The following ZNF395 variants were observed in gnomAD, a reference collection of about 807,000 sequenced individuals.
ZNF395 encodes zinc finger protein 395, also known as HD gene regulatory region-binding protein 2.
ZNF395 carries 20 observed loss-of-function variants against 57.7 expected under a neutral mutation model. The ratio of observed to expected loss-of-function variants is 0.35; its 90% CI spans 0.24 to 0.50. The LOEUF is 0.50. ZNF395 is among the 20% of genes least tolerant of loss of function. ZNF395 has a pLI of 0.97. For missense variants in ZNF395, 606 were observed against 671.2 expected (o/e 0.90, Z 1.07); for synonymous variants, 295 against 275.9 (o/e 1.07, Z -0.69).
intron 1 of ZNF395, among the ~76,000 whole-genome samples, chr8:28,382,035 A>G (rs1802115679): frequency 6.6e-6 from 1 of 152,168 alleles, no homozygotes; most frequent in Non-Finnish European, 1.5e-5. Flanking sequence ...AGAGCCCATG[A>G]CAGCAATCCC....
intron 1 of ZNF395, among the ~76,000 whole-genome samples, chr8:28,378,618 A>C (rs971036994): frequency 2.0e-5 from 3 of 152,218 alleles, no homozygotes; most frequent in African/African-American, 4.8e-5. Context: ...ACCTATTTAT[A>C]AACATTTTTA....
rs1226932987 is a variant in ZNF395 at position 28,361,120 on chromosome 8, G to C, written c.5C>G (p.Ala2Gly). 1 of 1,611,862 alleles carries C rather than the reference G, an allele frequency of 6.2e-7. No individual in the cohort carries two copies. The highest frequency in any genetic ancestry group is 8.5e-7 in the Non-Finnish European group (1 of 1,180,014). Residue 2 changes from alanine (A) to glycine (G), a missense_variant, in exon 2 of 10, where the codon GCG becomes GGG. Ala to Gly is a moderately conservative substitution (Grantham distance 60). Around this residue, in one of 3 missense-constraint regions of ZNF395, gnomAD observed 309 missense variants for 374.7 expected, o/e 0.82. Coordinates refer to ENST00000344423, the MANE Select transcript of ZNF395 (RefSeq NM_018660.3). M[A>G]SVLSRRLGKR... ...TCCAAGGCGTCGGGACAGGACACTCGCCATGCTGCTGCCTCTCCTCTCCTG... is the reference window on the plus strand; with the variant it reads ...TCCAAGGCGTCGGGACAGGACACTCCCCATGCTGCTGCCTCTCCTCTCCTG...
intron 1 of ZNF395, among the ~76,000 whole-genome samples, chr8:28,363,108 T>C (rs895660127): frequency 1.3e-5 from 2 of 151,568 alleles, no homozygotes; most frequent in South Asian, 2.1e-4. Context: ...CTAAGCTAAA[T>C]TGGTTGTTTT....
chr8:28,349,257 C>T (rs2129935342), intron 8 of ZNF395, 29 bp from the exon 9 acceptor site: 1 of 1,491,858 alleles, frequency 6.7e-7, no homozygotes, highest in South Asian at 1.4e-5. Context: ...GCTGTGAGCA[C>T]AGGGACATTC....
At chr8:28,348,894 G>A in intron 9 of ZNF395, 64 bp from the exon 10 acceptor site, 1 of 1,538,806 alleles carries the variant, frequency 6.5e-7, no homozygotes, top group South Asian at 1.1e-5. Flanking sequence ...GAGTGGCCAA[G>A]TGGGGCTGGG....
Position 28,351,580 on chromosome 8 carries a change from C to A in ZNF395, c.1148G>T (p.Gly383Val), listed in dbSNP as rs1801683941. 6.2e-7 allele frequency: 1 copy of A among 1,613,628 alleles called. No homozygotes were observed. The highest frequency in any genetic ancestry group is 8.5e-7 in the Non-Finnish European group (1 of 1,180,018). The change falls in exon 7 of 10, where the codon GGC becomes GTC. Residue 383 changes from glycine (G) to valine (V), a missense_variant. Gly to Val is a moderately radical substitution (Grantham distance 109, BLOSUM62 -3). Transcript: ENST00000344423. ...CCCTGAGGGCAGGGAGGACTCCGGG[C>A]CAGGATGTTCTGGGCCGGAGGACTG... ...KAQSSGPEHP[G>V]PESSLPSGAL...
chr8:28,375,904 G>A (rs1035478342), intron 1 of ZNF395, among the ~76,000 whole-genome samples: 2 of 152,184 alleles, frequency 1.3e-5, no homozygotes, highest in East Asian at 3.8e-4. Flanking sequence ...CTGACTGAAT[G>A]CGGGTGTTTT....
intron 1 of ZNF395, among the ~76,000 whole-genome samples, chr8:28,373,933 T>C (rs1802007321): frequency 6.6e-6 from 1 of 152,208 alleles, no homozygotes; most frequent in Non-Finnish European, 1.5e-5. Context: ...TGTTACAATG[T>C]ACAACTCAAG....
At chr8:28,380,992 G>A (rs1212590446) in intron 1 of ZNF395, among the ~76,000 whole-genome samples, 1 of 148,830 alleles carries the variant, frequency 6.7e-6, no homozygotes, top group Non-Finnish European at 1.5e-5. Context: ...GGGAGTACAG[G>A]CATGCACCAC....
At chr8:28,362,178 T>C (rs1801857999) in intron 1 of ZNF395, among the ~76,000 whole-genome samples, 1 of 152,114 alleles carries the variant, frequency 6.6e-6, no homozygotes, top group Non-Finnish European at 1.5e-5. Context: ...ACAAGTGACT[T>C]GTTCAGATGG....
chr8:28,353,129 C>T, intron 5 of ZNF395, 44 bp downstream of exon 5: 1 of 1,591,318 alleles, frequency 6.3e-7, no homozygotes, highest in Non-Finnish European at 8.6e-7. Context: ...ACACAGACAT[C>T]ATCCGCTCCA....
intron 1 of ZNF395, among the ~76,000 whole-genome samples, chr8:28,363,556 G>A (rs934690329): frequency 6.6e-6 from 1 of 152,118 alleles, no homozygotes; most frequent in Admixed American, 6.5e-5. Flanking sequence ...AGGTGAAGTC[G>A]CAATGCCATG....
intron 1 of ZNF395, among the ~76,000 whole-genome samples, chr8:28,375,540 G>A (rs1802030473): frequency 6.6e-6 from 1 of 152,170 alleles, no homozygotes; most frequent in African/African-American, 2.4e-5. Context: ...CTGGGGTGAT[G>A]GAAATGTTCT....
chr8:28,358,889 T>C (rs1047668060), intron 3 of ZNF395, among the ~76,000 whole-genome samples: 1 of 152,228 alleles, frequency 6.6e-6, no homozygotes, highest in Non-Finnish European at 1.5e-5. Flanking sequence ...ACAGCAGAGC[T>C]GAGCAGTGGG....
chr8:28,353,099 C>T, intron 5 of ZNF395, 74 bp downstream of exon 5: 1 of 1,490,588 alleles, frequency 6.7e-7, no homozygotes, highest in South Asian at 1.2e-5. Context: ...GTCCCCTGCT[C>T]TCCACGGCTG....
Position 28,351,743 on chromosome 8 carries a change from T to C in ZNF395, c.985A>G (p.Lys329Glu). ...GCAGCAGCAGCAGCAGATTCCTCCT[T>C]CAGCTGCACCTCTGTGTAGTAGAAA... ...EDFYYTEVQLKEESAAAAAAA... is the reference protein window; with the variant it reads ...EDFYYTEVQLEEESAAAAAAA... Residue 329 changes from lysine (K) to glutamate (E), a missense_variant, in exon 7 of 10, where the codon AAG (lysine) becomes GAG (glutamate). Coordinates refer to ENST00000344423, the MANE Select transcript of ZNF395 (RefSeq NM_018660.3). The C allele has an allele frequency of 6.2e-7, 1 of 1,603,642 alleles. No homozygotes were observed. The highest frequency in any genetic ancestry group is 8.5e-7 in the Non-Finnish European group (1 of 1,179,094).
At chr8:28,349,101 AG>A in intron 9 of ZNF395, 23 bp downstream of exon 9, 1 of 1,557,458 alleles carries the variant, frequency 6.4e-7, no homozygotes, top group Non-Finnish European at 8.7e-7. Context: ...ACCAGAAGGC[AG>A]GGGACGACAG....
At chr8:28,377,748 CTTTTTTT>C (rs71549661) in intron 1 of ZNF395, among the ~76,000 whole-genome samples, 5 of 100,634 alleles carry the variant, frequency 5.0e-5, no homozygotes, top group Admixed American at 2.2e-4. Flanking sequence ...GATGATCCCA[CTTTTTTT>C]TTTTTTTTTT....
intron 2 of ZNF395, 69 bp downstream of exon 2, chr8:28,360,816 T>G (rs1448226704): frequency 6.4e-7 from 1 of 1,572,482 alleles, no homozygotes; most frequent in East Asian, 2.2e-5. Context: ...GGCCTGTCAC[T>G]AGGGCACCCC....
Sources: gnomAD v4.1 joint callset for allele counts (sites outside exome capture counted in the v4.1 genomes callset) on GRCh38, gnomAD v4.1.1 for gene constraint, gnomAD v4.1.1 regional missense constraint, MANE v1.5 for transcripts, NCBI Gene and HGNC (gene_info 2026-07-23, HGNC 2026-07-21) for gene names.